DCDC1: variants seen among roughly 807,000 people sequenced by gnomAD.
DCDC1 encodes doublecortin domain-containing protein 1.
Under a neutral mutation model 178.3 loss-of-function variants are expected in DCDC1, and 200 were observed. The ratio of observed to expected loss-of-function variants is 1.12; its 90% CI spans 1.00 to 1.26. The LOEUF (loss-of-function observed/expected upper bound fraction) is 1.26. Ranked by LOEUF, DCDC1 falls within the 50% of genes most tolerant of loss-of-function variation. The pLI, the probability that DCDC1 is intolerant of heterozygous loss-of-function variation, is 0.00. For synonymous variants in DCDC1, 690 were observed against 604.8 expected, an observed-to-expected ratio of 1.14 and a Z score of -2.07; for missense variants, 1,983 against 1,749.2, an observed-to-expected ratio of 1.13 and a Z score of -2.38.
Position 30,980,093 on chromosome 11 carries a change from C to T in DCDC1, c.2592-27525G>A, listed in dbSNP as rs113311055. Among the ~76,000 whole-genome samples, 627 of 152,264 alleles carry T rather than the reference C, an allele frequency of 4.1e-3. 7 individuals carry two copies. Among genetic ancestry groups the T allele is most frequent in the African/African-American group, 0.014 (598 of 41,552 alleles). Reference sequence around the variant, plus strand: ...AAATTCAGTGTATAAGAAATGGTATCTATTTCTACTAGGCTGTAATCTACT... The same window carrying T: ...AAATTCAGTGTATAAGAAATGGTATTTATTTCTACTAGGCTGTAATCTACT... On this transcript the variant is annotated intron_variant, in intron 20 of 38. Coordinates refer to ENST00000684477, the MANE Select transcript of DCDC1 (RefSeq NM_001387274.1).
At chr11:30,883,193 C>T (rs115637261) in intron 36 of DCDC1, 129 of 154,740 alleles carry the variant, frequency 8.3e-4, no homozygotes, top group African/African-American at 2.7e-3. Flanking sequence ...AATAGGGTTT[C>T]AAGTGAGGAT....
intron 24 of DCDC1, among the ~76,000 whole-genome samples, chr11:30,922,068 C>G (rs1946285652): frequency 6.6e-6 from 1 of 152,136 alleles, no homozygotes; most frequent in Non-Finnish European, 1.5e-5. Flanking sequence ...ATAAGTCACT[C>G]CAGTCATCGA....
rs115526125 is a variant in DCDC1 at position 31,149,757 on chromosome 11, G to A, written c.1222-11973C>T. On this transcript the variant is annotated intron_variant, in intron 9 of 38. Coordinates refer to ENST00000684477, the MANE Select transcript of DCDC1 (RefSeq NM_001387274.1). Reference sequence around the variant, plus strand: ...GTATCACTCACTGCGAAGGTCTGTGGCTTCACTCCAGAAGTCAGCAAGACC... The same window carrying A: ...GTATCACTCACTGCGAAGGTCTGTGACTTCACTCCAGAAGTCAGCAAGACC... 8.1e-3 allele frequency among the ~76,000 whole-genome samples: 1,232 copies of A among 151,978 alleles called. 13 individuals carry two copies. The highest frequency in any genetic ancestry group is 0.028 in the African/African-American group (1,174 of 41,418).
rs186203094 is a variant in DCDC1, at chr11:30,976,233, A to G, written c.2592-23665T>C. Among the ~76,000 whole-genome samples the G allele has an allele frequency of 2.6e-3, 398 of 152,164 alleles. 1 individual carries two copies. Among genetic ancestry groups the G allele is most frequent in the Admixed American group, 4.6e-3 (70 of 15,286 alleles). On this transcript the variant is annotated intron_variant, in intron 20 of 38. Coordinates refer to ENST00000684477, the MANE Select transcript of DCDC1 (RefSeq NM_001387274.1). ...TAAACCTAAGACCCGAAACTATAAA[A>G]CTAGAAGAAAACAAAAAGCACTTCA...
intron 20 of DCDC1, among the ~76,000 whole-genome samples, chr11:31,057,169 G>C (rs1026042456): frequency 1.3e-5 from 2 of 151,354 alleles, no homozygotes; most frequent in African/African-American, 4.9e-5. Flanking sequence ...GGGAGGCAGA[G>C]GTTGCAGTGA....
At chr11:31,265,303 A>T (rs1048671494) in intron 8 of DCDC1, among the ~76,000 whole-genome samples, 1 of 152,088 alleles carries the variant, frequency 6.6e-6, no homozygotes, top group Admixed American at 6.6e-5. Flanking sequence ...TCAATTTTTT[A>T]AAAACTCCAA....
At chr11:31,012,888 T>A (rs1952258074) in intron 20 of DCDC1, among the ~76,000 whole-genome samples, 1 of 152,142 alleles carries the variant, frequency 6.6e-6, no homozygotes, top group African/African-American at 2.4e-5. Flanking sequence ...TATTAGTGAA[T>A]AATAAACACT....
chr11:31,097,157 C>G (rs1958216746), intron 15 of DCDC1, among the ~76,000 whole-genome samples: 1 of 152,150 alleles, frequency 6.6e-6, no homozygotes, highest in South Asian at 2.1e-4. Flanking sequence ...TAGAAGCAGT[C>G]AATGATAAAG....
intron 36 of DCDC1, chr11:30,883,412 A>G (rs1253660323): frequency 2.4e-6 from 1 of 421,288 alleles, no homozygotes; most frequent in South Asian, 1.8e-5. Flanking sequence ...TATTGGTGTT[A>G]CTGGAGAGGA....
chr11:30,930,881 A>T (rs1047566631), intron 22 of DCDC1, among the ~76,000 whole-genome samples: 1 of 152,172 alleles, frequency 6.6e-6, no homozygotes, highest in Non-Finnish European at 1.5e-5. Context: ...ATTCAATTTC[A>T]GGCTTGACTT....
At chr11:30,970,270 T>C (rs773021122) in intron 20 of DCDC1, among the ~76,000 whole-genome samples, 1 of 152,156 alleles carries the variant, frequency 6.6e-6, no homozygotes, top group African/African-American at 2.4e-5. Context: ...AGAGAGCTCA[T>C]GCTGGTTCCC....
intron 9 of DCDC1, among the ~76,000 whole-genome samples, chr11:31,198,390 T>C (rs1970928039): frequency 2.6e-5 from 4 of 152,102 alleles, no homozygotes; most frequent in Admixed American, 2.6e-4. Context: ...CTAGCAAGTA[T>C]AGATTTCTAC....
At chr11:31,239,025 T>A (rs1356179663) in intron 9 of DCDC1, among the ~76,000 whole-genome samples, 1 of 152,102 alleles carries the variant, frequency 6.6e-6, no homozygotes, top group African/African-American at 2.4e-5. Flanking sequence ...AAATTTCCTT[T>A]GGGAATGACA....
At chr11:31,346,137 A>C (rs1296389554) in intron 1 of DCDC1, among the ~76,000 whole-genome samples, 1 of 152,176 alleles carries the variant, frequency 6.6e-6, no homozygotes, top group Non-Finnish European at 1.5e-5. Flanking sequence ...GTTTTTTCTC[A>C]TAAGTATGTG....
At chr11:31,090,358 T>G (rs975591604) in intron 17 of DCDC1, among the ~76,000 whole-genome samples, 5 of 152,152 alleles carry the variant, frequency 3.3e-5, no homozygotes, top group Non-Finnish European at 5.9e-5. Context: ...ACTTTCAGGT[T>G]ATAGGGCCTG....
At chr11:31,256,351 G>A (rs773979718) in intron 8 of DCDC1, among the ~76,000 whole-genome samples, 10 of 152,094 alleles carry the variant, frequency 6.6e-5, no homozygotes, top group African/African-American at 1.2e-4. Context: ...CATGTTTGGC[G>A]GGTCCCCATG....
At chr11:31,341,543 C>CTA (rs1411490102) in intron 1 of DCDC1, among the ~76,000 whole-genome samples, 1 of 152,172 alleles carries the variant, frequency 6.6e-6, no homozygotes, top group African/African-American at 2.4e-5. Context: ...AGATGGCATA[C>CTA]TATACACCTA....
chr11:31,232,155 G>T (rs1426865170), intron 9 of DCDC1, among the ~76,000 whole-genome samples: 2 of 152,190 alleles, frequency 1.3e-5, no homozygotes, highest in African/African-American at 4.8e-5. Context: ...ATACTCTGGA[G>T]AAGACAGTCA....
At chr11:30,944,959 CTTTTTTTTTTTTTT>C (rs34334567) in intron 21 of DCDC1, among the ~76,000 whole-genome samples, 1 of 65,518 alleles carries the variant, frequency 1.5e-5, no homozygotes, top group Non-Finnish European at 2.7e-5. Flanking sequence ...ACAAAAATGT[CTTTTTTTTTTTTTT>C]TTTTTTTTTT....
Sources: gnomAD v4.1 joint callset for allele counts (sites outside exome capture counted in the v4.1 genomes callset) on GRCh38, gnomAD v4.1.1 for gene constraint, MANE v1.5 for transcripts, NCBI Gene and HGNC (gene_info 2026-07-23, HGNC 2026-07-21) for gene names.